Variants in KIAA1958 observed in about 807,000 individuals in gnomAD.
The protein encoded by KIAA1958 is uncharacterized protein KIAA1958.
KIAA1958 carries 14 observed loss-of-function variants against 47.2 expected under a neutral mutation model. The ratio of observed to expected loss-of-function variants is 0.30; its 90% CI spans 0.20 to 0.46. The LOEUF is 0.46. Ranked by LOEUF, KIAA1958 falls within the 20% of genes least tolerant of loss-of-function variation. KIAA1958 has a pLI of 1.00. For missense variants in KIAA1958, 803 were observed against 909.2 expected, an observed-to-expected ratio of 0.88 and a Z score of 1.50; for synonymous variants, 354 against 353.3, an observed-to-expected ratio of 1.00 and a Z score of -0.02.
At chr9:112,560,192 C>CTTTTTTTTTTT (rs1564172284) in intron 1 of KIAA1958, among the ~76,000 whole-genome samples, 1 of 121,516 alleles carries the variant, frequency 8.2e-6, no homozygotes, top group Non-Finnish European at 1.7e-5. Context: ...CTTTTTTTTT[C>CTTTTTTTTTTT]TTTTTCTTTT....
intron 2 of KIAA1958, among the ~76,000 whole-genome samples, chr9:112,600,637 A>G (rs531282562): frequency 1.4e-4 from 21 of 152,342 alleles, no homozygotes; most frequent in South Asian, 8.3e-4. Flanking sequence ...GGTTGTTCAC[A>G]TATGTCCATG....
intron 3 of KIAA1958, 115 bp from the exon 4 acceptor site, chr9:112,659,148 C>A (rs1837213265): frequency 1.2e-6 from 1 of 808,144 alleles, no homozygotes; most frequent in Non-Finnish European, 2.0e-6. Flanking sequence ...TCCATTGTGT[C>A]CTGCTAAGGG....
At chr9:112,654,967 C>T (rs1388393345) in intron 3 of KIAA1958, among the ~76,000 whole-genome samples, 1 of 152,044 alleles carries the variant, frequency 6.6e-6, no homozygotes, top group African/African-American at 2.4e-5. Flanking sequence ...CTTGTCTTAT[C>T]TGGTTGGTGA....
intron 1 of KIAA1958, among the ~76,000 whole-genome samples, chr9:112,561,944 G>A (rs1298014554): frequency 6.6e-6 from 1 of 152,136 alleles, no homozygotes; most frequent in African/African-American, 2.4e-5. Context: ...TTGGTCTAAG[G>A]GCCTGTTTGC....
intron 1 of KIAA1958, among the ~76,000 whole-genome samples, chr9:112,500,456 T>C (rs1270537964): frequency 7.4e-6 from 1 of 135,302 alleles, no homozygotes. Flanking sequence ...ATATCATTAA[T>C]TTTTTTTTTT....
At chr9:112,592,581 C>T (rs571110876) in intron 2 of KIAA1958, among the ~76,000 whole-genome samples, 6 of 152,250 alleles carry the variant, frequency 3.9e-5, no homozygotes, top group East Asian at 3.9e-4. Flanking sequence ...GTGCCTGATA[C>T]GTAGTCAGTG....
intron 3 of KIAA1958, among the ~76,000 whole-genome samples, chr9:112,648,630 A>G (rs1837013998): frequency 1.3e-5 from 2 of 152,228 alleles, no homozygotes; most frequent in Admixed American, 1.3e-4. Flanking sequence ...ATGGGGAATA[A>G]TTAGCCCTAG....
chr9:112,610,526 C>A (rs998559520), intron 2 of KIAA1958, among the ~76,000 whole-genome samples: 2 of 151,928 alleles, frequency 1.3e-5, no homozygotes, highest in Admixed American at 1.3e-4. Flanking sequence ...ATCACGGGCC[C>A]CCCAAAAATT....
intron 2 of KIAA1958, chr9:112,582,724 A>C (rs1835755892): frequency 6.7e-6 from 1 of 148,264 alleles, no homozygotes; most frequent in Non-Finnish European, 1.5e-5. Context: ...ATAGCCCTGA[A>C]AAAAAAAAAA....
intron 1 of KIAA1958, among the ~76,000 whole-genome samples, chr9:112,550,802 T>C (rs1835128313): frequency 6.6e-6 from 1 of 152,108 alleles, no homozygotes; most frequent in Admixed American, 6.6e-5. Context: ...TGTGTGAACC[T>C]ATCACCTGTG....
chr9:112,517,336 A>G (rs1253971828), intron 1 of KIAA1958, among the ~76,000 whole-genome samples: 3 of 152,246 alleles, frequency 2.0e-5, no homozygotes, highest in Non-Finnish European at 2.9e-5. Context: ...TTGTATGTCT[A>G]TATGCAAAAA....
At chr9:112,543,279 G>A (rs1350429051) in intron 1 of KIAA1958, among the ~76,000 whole-genome samples, 1 of 152,066 alleles carries the variant, frequency 6.6e-6, no homozygotes, top group African/African-American at 2.4e-5. Flanking sequence ...CACATTGTGG[G>A]TGCACATTTT....
chr9:112,620,119 T>TAA, intron 2 of KIAA1958, among the ~76,000 whole-genome samples: 2 of 152,224 alleles, frequency 1.3e-5, no homozygotes, highest in South Asian at 4.1e-4. Flanking sequence ...TATAATAATT[T>TAA]TGGTTAAACA....
intron 2 of KIAA1958, among the ~76,000 whole-genome samples, chr9:112,585,529 G>T (rs1247992873): frequency 6.6e-6 from 1 of 152,214 alleles, no homozygotes; most frequent in Non-Finnish European, 1.5e-5. Flanking sequence ...CCTCCACGGG[G>T]CTCAGGGGGA....
chr9:112,563,598 T>C (rs1835375266), intron 1 of KIAA1958, among the ~76,000 whole-genome samples: 1 of 152,152 alleles, frequency 6.6e-6, no homozygotes, highest in Non-Finnish European at 1.5e-5. Flanking sequence ...AATTCAATTA[T>C]GAGTTCTGGC....
Position 112,668,493 on chromosome 9 carries a change from C to T in KIAA1958, c.*8424C>T, listed in dbSNP as rs1837379471. 6.6e-6 allele frequency: 1 copy of T among 152,182 alleles called. No individual in the cohort carries two copies. Among genetic ancestry groups the T allele is most frequent in the Admixed American group, 6.5e-5 (1 of 15,280 alleles). The allele number at this position is 152,182 out of a possible 1,614,324, so 9.4% of individuals were successfully genotyped here. A position where few individuals can be genotyped will look rare whatever the true frequency, so the allele number is the denominator to read the frequency against. ...AAATCCGAATTATTTCTGGAGTCTA[C>T]AATGTCAGTGTTAGAACTAATGCTG... On this transcript the variant is annotated 3_prime_UTR_variant, in exon 4 of 4. Transcript: ENST00000337530.
Position 112,535,709 on chromosome 9 carries a change from CT to C in KIAA1958, c.-24-38339del, listed in dbSNP as rs754182344. ...TTCACTAACAGTGTACAAGGGTTCT[CT>C]TTTTTTTTCCCCACAACCTAAACAA... On this transcript the variant is annotated intron_variant, in intron 1 of 3. Coordinates refer to ENST00000337530, the MANE Select transcript of KIAA1958 (RefSeq NM_133465.4). Among the ~76,000 whole-genome samples the C allele has an allele frequency of 8.5e-3, 1,287 of 151,458 alleles. 19 individuals are homozygous for C. Among genetic ancestry groups the C allele is most frequent in the African/African-American group, 0.03 (1,220 of 41,330 alleles).
intron 1 of KIAA1958, among the ~76,000 whole-genome samples, chr9:112,525,919 TTC>T (rs1272685154): frequency 5.2e-3 from 4 of 766 alleles, no homozygotes; most frequent in African/African-American, 0.016. Flanking sequence ...TTTATATTCT[TTC>T]TTCTTCTTCT....
chr9:112,527,562 G>T, intron 1 of KIAA1958, among the ~76,000 whole-genome samples: 1 of 152,298 alleles, frequency 6.6e-6, no homozygotes, highest in South Asian at 2.1e-4. Context: ...ACTGGGAATA[G>T]GATGATTATG....
Sources: gnomAD v4.1 joint callset for allele counts (sites outside exome capture counted in the v4.1 genomes callset) on GRCh38, gnomAD v4.1.1 for gene constraint, MANE v1.5 for transcripts, NCBI Gene and HGNC (gene_info 2026-07-23, HGNC 2026-07-21) for gene names.